The following ERN2 variants were observed in gnomAD, a reference collection of about 807,000 sequenced individuals.
ERN2 encodes the protein endoplasmic reticulum to nucleus signaling 2.
In ERN2, 111 loss-of-function variants were observed where a neutral mutation model predicts 107.9. The observed-to-expected ratio is 1.03, with a 90% CI of 0.88 to 1.20. The LOEUF is 1.20. Among genes scored for constraint, ERN2 ranks in the 50% most tolerant of loss-of-function variants. ERN2 has a pLI of 0.00. For synonymous variants in ERN2, 524 were observed against 501.7 expected (o/e 1.04, Z -0.59); for missense variants, 1,225 against 1,197.9 (o/e 1.02, Z -0.33).
At position 23,707,013 on chromosome 16, in the gene ERN2, A is replaced by G. The variant is rs184319954; in HGVS notation, c.373T>C (p.Tyr125His). ...SPCRSSDGVF[Y>H]TGRKQDAWFV... ...AGGCTGAAGAGATGCTCACCTGTGT[A>G]GAAGACCCCATCAGAGCTGCGGCAG... The change falls in exon 5 of 22, where the codon TAC becomes CAC. Residue 125 changes from tyrosine to histidine, a missense_variant. By Grantham distance (83) the Tyr-to-His change is moderately conservative. Coordinates refer to ENST00000256797, the MANE Select transcript of ERN2 (RefSeq NM_033266.4). The G allele has an allele frequency of 1.5e-5, 24 of 1,613,820 alleles. No homozygotes were observed. The highest frequency in any genetic ancestry group is 1.9e-5 in the Non-Finnish European group (23 of 1,179,688).
At chr16:23,708,517 TG>T (rs1567254363) in intron 4 of ERN2, among the ~76,000 whole-genome samples, 1 of 151,834 alleles carries the variant, frequency 6.6e-6, no homozygotes, top group African/African-American at 2.4e-5. Context: ...CCACCACACC[TG>T]GCTAATTTTT....
intron 14 of ERN2, 75 bp downstream of exon 14, chr16:23,695,819 A>G (rs1959798199): frequency 1.8e-6 from 2 of 1,125,294 alleles, no homozygotes; most frequent in Non-Finnish European, 2.7e-6. Context: ...CTTTGAAAGA[A>G]TGTCTCTCCA....
intron 2 of ERN2, 39 bp downstream of exon 2, chr16:23,710,874 A>C: frequency 5.6e-5 from 74 of 1,329,516 alleles, no homozygotes; most frequent in Non-Finnish European, 6.8e-5. Context: ...TCACCAATCT[A>C]TGGGCCCAAG....
At chr16:23,695,842 C>T (rs984245783) in intron 14 of ERN2, 52 bp downstream of exon 14, 1 of 1,421,988 alleles carries the variant, frequency 7.0e-7, no homozygotes, top group African/African-American at 1.4e-5. Flanking sequence ...GGACAGTGCC[C>T]ACGAGGGCTG....
chr16:23,707,102 G>C (rs751069014), intron 4 of ERN2, 23 bp from the exon 5 acceptor site: 2 of 1,572,384 alleles, frequency 1.3e-6, no homozygotes, highest in Non-Finnish European at 1.8e-6. Context: ...AAATTTACAG[G>C]AAGGAGTAAG....
At chr16:23,696,087 C>A in intron 13 of ERN2, 109 bp from the exon 14 acceptor site, 2 of 761,316 alleles carry the variant, frequency 2.6e-6, no homozygotes, top group Non-Finnish European at 2.3e-6. Context: ...CTCCCATGCT[C>A]AGCCTGGTGC....
At chr16:23,711,111 C>T in intron 1 of ERN2, 93 bp from the exon 2 acceptor site, 2 of 782,426 alleles carry the variant, frequency 2.6e-6, no homozygotes, top group Admixed American at 2.1e-5. Context: ...ACTCCCCTTC[C>T]CCCAGATGGG....
chr16:23,695,862 T>A (rs373146046), intron 14 of ERN2, 32 bp downstream of exon 14: 28 of 1,572,470 alleles, frequency 1.8e-5, no homozygotes, highest in African/African-American at 2.7e-5. Context: ...GTGAGTGCCA[T>A]GTCCCCAGCT....
At chr16:23,711,155 G>A (rs779450222) in intron 1 of ERN2, 137 bp from the exon 2 acceptor site, 3 of 615,026 alleles carry the variant, frequency 4.9e-6, no homozygotes, top group East Asian at 2.7e-5. Context: ...ATTGGGGAAC[G>A]TGCTGGTGTC....
chr16:23,706,230 T>G (rs927785462), intron 7 of ERN2, 100 bp downstream of exon 7: 5 of 803,816 alleles, frequency 6.2e-6, no homozygotes, highest in Non-Finnish European at 9.8e-6. Context: ...GGAGGTCAAG[T>G]GGGTCGAAAT....
chr16:23,696,356 G>A (rs1260690393), intron 13 of ERN2, among the ~76,000 whole-genome samples: 1 of 151,338 alleles, frequency 6.6e-6, no homozygotes, highest in Non-Finnish European at 1.5e-5. Flanking sequence ...CTTCTGCACA[G>A]GTTTGTTTTG....
At chr16:23,701,258 G>A in intron 11 of ERN2, 144 bp from the exon 12 acceptor site, 1 of 747,172 alleles carries the variant, frequency 1.3e-6, no homozygotes, top group African/African-American at 1.8e-5. Flanking sequence ...ACTCTCCACA[G>A]TGCTGAAACA....
Position 23,700,924 on chromosome 16 carries a change from C to A in ERN2, c.1359+35G>T, listed in dbSNP as rs201827950. The A allele has an allele frequency of 1.2e-5, 20 of 1,602,446 alleles. No individual in the cohort carries two copies. The African/African-American group carries it at 2.4e-4, about 19-fold the overall frequency. On this transcript the variant is annotated intron_variant, in intron 12 of 21. Transcript: ENST00000256797. ...CTCAGAGAGGAGAAGCAGCGTTCTC[C>A]CCAGATAGACCTGAGGTCAGGGCGG...
intron 17 of ERN2, among the ~76,000 whole-genome samples, chr16:23,692,561 C>A (rs1597140748): frequency 6.6e-6 from 1 of 152,142 alleles, no homozygotes; most frequent in Non-Finnish European, 1.5e-5. Flanking sequence ...TTCAGGTTTC[C>A]AAGCTTCATT....
chr16:23,691,068 C>A, intron 21 of ERN2, 25 bp from the exon 22 acceptor site: 1 of 1,613,934 alleles, frequency 6.2e-7, no homozygotes. Flanking sequence ...AGCAGAGAAC[C>A]CTGGCTCAGC....
intron 13 of ERN2, among the ~76,000 whole-genome samples, chr16:23,699,580 C>T (rs75692420): frequency 0.08 from 12,105 of 152,108 alleles, 725 homozygotes; most frequent in African/African-American, 0.16. Context: ...CACACCACCA[C>T]GCCCGGCGAA....
intron 14 of ERN2, 92 bp downstream of exon 14, chr16:23,695,802 G>T: frequency 1.1e-6 from 1 of 870,984 alleles, no homozygotes; most frequent in Admixed American, 2.0e-5. Flanking sequence ...TACCCACCTC[G>T]GGGAGTCTTT....
At chr16:23,709,900 T>C (rs890111461) in intron 4 of ERN2, 3 of 375,426 alleles carry the variant, frequency 8.0e-6, no homozygotes, top group Non-Finnish European at 9.7e-6. Context: ...AGCTAACTGG[T>C]ATATACATTT....
At position 23,691,387 on chromosome 16, in the gene ERN2, C is replaced by T; in HGVS notation, c.2415G>A (p.Glu805=). 6.2e-7 allele frequency: 1 copy of T among 1,601,156 alleles called. No homozygotes were observed. The stretch of plus-strand genomic sequence containing the variant: ...CCGCCTCCAGTGCCCTCACCAGGGG[C>T]TCCTGCTCGGACTCCTTCTCCAGCC... ...SDWLEKESEQ[E]PLVRALEAGG... The change falls in exon 20 of 22, where the codon GAG becomes GAA. Residue 805 remains glutamate, a synonymous_variant. Transcript: ENST00000256797.
Sources: allele counts gnomAD v4.1 joint callset (sites outside exome capture counted in the v4.1 genomes callset), GRCh38; gene constraint gnomAD v4.1.1; transcripts MANE v1.5; gene names NCBI Gene and HGNC (gene_info 2026-07-23, HGNC 2026-07-21).